Variants in DPP10 observed in about 807,000 individuals in gnomAD.
DPP10 encodes the protein inactive dipeptidyl peptidase 10.
In DPP10, 33 loss-of-function variants were observed where a neutral mutation model predicts 120.9. The ratio of observed to expected loss-of-function variants is 0.27; its 90% CI spans 0.21 to 0.37. The LOEUF (loss-of-function observed/expected upper bound fraction) is 0.37, where lower values mean the gene tolerates loss of function less well. DPP10 is among the 10% of genes least tolerant of loss of function. DPP10 has a pLI of 1.00. For missense variants in DPP10, 816 were observed against 942.8 expected (o/e 0.87, Z 1.76); for synonymous variants, 337 against 326.1 (o/e 1.03, Z -0.36).
intron 1 of DPP10, among the ~76,000 whole-genome samples, chr2:114,663,424 G>A (rs1697601314): frequency 6.7e-6 from 1 of 150,152 alleles, no homozygotes; most frequent in South Asian, 2.1e-4. Flanking sequence ...TCATATTTTA[G>A]TTGTCAATGT....
intron 3 of DPP10, among the ~76,000 whole-genome samples, chr2:115,417,177 C>T (rs1447277283): frequency 1.3e-5 from 2 of 151,998 alleles, no homozygotes; most frequent in African/African-American, 4.8e-5. Context: ...TACCAGAGCT[C>T]CCCAATATAG....
chr2:115,422,696 A>C (rs1222142559), intron 3 of DPP10, among the ~76,000 whole-genome samples: 1 of 152,202 alleles, frequency 6.6e-6, no homozygotes, highest in African/African-American at 2.4e-5. Context: ...GAGAACAAAG[A>C]GAAAAAAATA....
At chr2:114,890,440 A>T (rs1692446678) in intron 1 of DPP10, among the ~76,000 whole-genome samples, 2 of 152,182 alleles carry the variant, frequency 1.3e-5, no homozygotes, top group African/African-American at 2.4e-5. Context: ...AAAGGTCAAG[A>T]TCAGGGGCTT....
At chr2:114,634,368 T>G (rs1447921279) in intron 1 of DPP10, among the ~76,000 whole-genome samples, 1 of 148,114 alleles carries the variant, frequency 6.8e-6, no homozygotes, top group East Asian at 2.0e-4. Flanking sequence ...AGAGCCATTT[T>G]TTTAAGTTTT....
intron 1 of DPP10, among the ~76,000 whole-genome samples, chr2:114,734,454 T>C (rs777065255): frequency 4.6e-5 from 7 of 152,168 alleles, no homozygotes; most frequent in Non-Finnish European, 7.3e-5. Flanking sequence ...AATTTACCTA[T>C]AGCCTGGAAA....
At chr2:115,774,466 C>G (rs558913580) in intron 13 of DPP10, among the ~76,000 whole-genome samples, 15 of 152,060 alleles carry the variant, frequency 9.9e-5, no homozygotes, top group Non-Finnish European at 1.8e-4. Context: ...AGGAGCTATC[C>G]ACTGAGTTAT....
chr2:115,533,217 TAATGGGAC>T (rs925679680), intron 5 of DPP10, among the ~76,000 whole-genome samples: 2 of 152,090 alleles, frequency 1.3e-5, no homozygotes, highest in African/African-American at 4.8e-5. Context: ...CCTCTATACA[TAATGGGAC>T]ATAAATCTGC....
At chr2:115,408,250 C>A (rs1340756488) in intron 3 of DPP10, among the ~76,000 whole-genome samples, 1 of 152,054 alleles carries the variant, frequency 6.6e-6, no homozygotes, top group Non-Finnish European at 1.5e-5. Flanking sequence ...ACAGGAGAGG[C>A]CAGGCTCCTC....
At chr2:114,780,562 T>C (rs1411937615) in intron 1 of DPP10, among the ~76,000 whole-genome samples, 1 of 152,114 alleles carries the variant, frequency 6.6e-6, no homozygotes. Flanking sequence ...CTAAATTCCA[T>C]TTAAATTTTA....
chr2:115,356,178 C>T (rs1172464185), intron 3 of DPP10, among the ~76,000 whole-genome samples: 1 of 152,134 alleles, frequency 6.6e-6, no homozygotes, highest in Non-Finnish European at 1.5e-5. Context: ...TTGGTTCTTC[C>T]TGTCCATGAG....
intron 1 of DPP10, among the ~76,000 whole-genome samples, chr2:115,019,113 C>T (rs1702885153): frequency 6.6e-6 from 1 of 151,832 alleles, no homozygotes; most frequent in Admixed American, 6.6e-5. Flanking sequence ...CGACACCAAG[C>T]CCAGCAATAT....
rs561204299 is a variant in DPP10, at chr2:115,644,210, C to T, written c.442-45477C>T. 1.8e-3 allele frequency among the ~76,000 whole-genome samples: 273 copies of T among 152,130 alleles called. 3 individuals carry two copies. The highest frequency in any genetic ancestry group is 3.7e-3 in the South Asian group (18 of 4,820). On this transcript the variant is annotated intron_variant, in intron 5 of 25. Coordinates refer to ENST00000410059, the MANE Select transcript of DPP10 (RefSeq NM_020868.6). ...TAAGTTCTAGGGTACATGTGCACAACGTGCAGGTTTGTTACGTATGTATAC... is the reference window on the plus strand; with the variant it reads ...TAAGTTCTAGGGTACATGTGCACAATGTGCAGGTTTGTTACGTATGTATAC...
intron 1 of DPP10, among the ~76,000 whole-genome samples, chr2:115,019,563 G>A (rs2105163664): frequency 6.6e-6 from 1 of 152,296 alleles, no homozygotes; most frequent in Admixed American, 6.5e-5. Flanking sequence ...TTATTCAGAA[G>A]AGAAATATAA....
intron 1 of DPP10, among the ~76,000 whole-genome samples, chr2:114,961,780 C>G (rs373016312): frequency 4.6e-5 from 7 of 152,074 alleles, no homozygotes; most frequent in African/African-American, 1.4e-4. Context: ...ATGGTGAAAC[C>G]CTGTCTGGAC....
intron 1 of DPP10, among the ~76,000 whole-genome samples, chr2:115,267,413 G>A (rs1162999118): frequency 6.6e-6 from 1 of 152,146 alleles, no homozygotes; most frequent in Non-Finnish European, 1.5e-5. Context: ...TTTTAGAGTA[G>A]CAGGGACTTG....
intron 1 of DPP10, among the ~76,000 whole-genome samples, chr2:114,767,675 C>A (rs988920631): frequency 1.3e-5 from 2 of 152,146 alleles, no homozygotes; most frequent in Admixed American, 1.3e-4. Flanking sequence ...GCCATACTCA[C>A]CCCGGTGAAA....
chr2:114,564,142 T>C lies in DPP10; in HGVS notation c.60+121304T>C, dbSNP rs888355084. Among the ~76,000 whole-genome samples, 4 of 152,266 alleles carry C rather than the reference T, an allele frequency of 2.6e-5. No individual in the cohort carries two copies. The East Asian group carries it at 7.7e-4, about 29-fold the overall frequency. ...GAGTAAAAGAGGTATTCTAATGATA[T>C]TCTAATGGTATTCAAATGATATTCT... On this transcript the variant is annotated intron_variant, in intron 1 of 25. Transcript: ENST00000410059.
chr2:114,984,840 G>A lies in DPP10; in HGVS notation c.61-324399G>A, dbSNP rs138982191. ...TTTGCCATTGCCATGACTCCTGCCCGCTATTCCAATCTGTGGTCCTCTCTT... is the reference window on the plus strand; with the variant it reads ...TTTGCCATTGCCATGACTCCTGCCCACTATTCCAATCTGTGGTCCTCTCTT... On this transcript the variant is annotated intron_variant, in intron 1 of 25. Transcript: ENST00000410059. Among the ~76,000 whole-genome samples the A allele has an allele frequency of 1.9e-3, 295 of 152,086 alleles. 1 individual carries two copies. Among genetic ancestry groups the A allele is most frequent in the East Asian group, 7.8e-4 (4 of 5,158 alleles).
chr2:115,133,240 G>T (rs1362389508), intron 1 of DPP10, among the ~76,000 whole-genome samples: 1 of 142,056 alleles, frequency 7.0e-6, no homozygotes, highest in African/African-American at 2.6e-5. Context: ...GTGCAGTGGT[G>T]AAATCTCGGA....
Sources: gnomAD v4.1 joint callset for allele counts (sites outside exome capture counted in the v4.1 genomes callset) on GRCh38, gnomAD v4.1.1 for gene constraint, MANE v1.5 for transcripts, NCBI Gene and HGNC (gene_info 2026-07-23, HGNC 2026-07-21) for gene names.